The following PRIM2 variants were observed in gnomAD, a reference collection of about 807,000 sequenced individuals.
PRIM2 encodes the protein DNA primase subunit 2.
PRIM2 carries 39 observed loss-of-function variants against 67.3 expected under a neutral mutation model. That is an observed-to-expected ratio of 0.58 (90% CI 0.45 to 0.76). The LOEUF (loss-of-function observed/expected upper bound fraction) is 0.76, where lower values mean the gene tolerates loss of function less well. PRIM2 is among the 30% of genes least tolerant of loss of function. PRIM2 has a pLI of 0.00. For missense variants in PRIM2, 398 were observed against 598.7 expected (o/e 0.66, Z 3.50); for synonymous variants, 143 against 198.7 (o/e 0.72, Z 2.36).
chr6:57,352,141 C>T (rs1272366962), intron 5 of PRIM2, among the ~76,000 whole-genome samples: 2 of 152,100 alleles, frequency 1.3e-5, no homozygotes, highest in Non-Finnish European at 2.9e-5. Flanking sequence ...CAAGTTAAAA[C>T]TGTTTGGTTT....
At chr6:57,402,183 C>T (rs1309545528) in intron 7 of PRIM2, among the ~76,000 whole-genome samples, 2 of 152,224 alleles carry the variant, frequency 1.3e-5, no homozygotes, top group Admixed American at 6.5e-5. Flanking sequence ...TTGGATTTTC[C>T]AGTACCTGGA....
chr6:57,284,597 C>T, the PRIM2 span, among the ~76,000 whole-genome samples: 6 of 152,070 alleles, frequency 3.9e-5, no homozygotes, highest in Non-Finnish European at 8.8e-5. Flanking sequence ...CATATGTAAA[C>T]CAATTTTAAC....
At chr6:57,589,327 C>G (rs1264215862) in intron 10 of PRIM2, among the ~76,000 whole-genome samples, 2 of 152,064 alleles carry the variant, frequency 1.3e-5, no homozygotes, top group Admixed American at 6.5e-5. Context: ...CCTCACTTGG[C>G]AACAGGTACT....
the PRIM2 span, among the ~76,000 whole-genome samples, chr6:57,248,800 G>A: frequency 2.0e-5 from 3 of 152,224 alleles, no homozygotes; most frequent in Non-Finnish European, 4.4e-5. Context: ...CAGCATGAAT[G>A]AGCCTTAGGC....
chr6:57,324,737 A>T (rs894605365), intron 4 of PRIM2, among the ~76,000 whole-genome samples: 1 of 152,210 alleles, frequency 6.6e-6, no homozygotes, highest in African/African-American at 2.4e-5. Context: ...AGTGCCACCC[A>T]GAGGTAGTAA....
chr6:57,501,191 G>C (rs1554346824), intron 7 of PRIM2, among the ~76,000 whole-genome samples: 1 of 152,132 alleles, frequency 6.6e-6, no homozygotes, highest in Non-Finnish European at 1.5e-5. Context: ...TAAGAGGGAA[G>C]TCTAAAAAGA....
chr6:57,632,896 G>C (rs1447906732), intron 13 of PRIM2, among the ~76,000 whole-genome samples: 8 of 152,206 alleles, frequency 5.3e-5, no homozygotes, highest in African/African-American at 1.9e-4. Context: ...TCAGGGAAAT[G>C]TGTTTGGTTT....
intron 10 of PRIM2, among the ~76,000 whole-genome samples, chr6:57,556,429 G>A (rs1775515060): frequency 6.6e-6 from 1 of 152,056 alleles, no homozygotes; most frequent in Non-Finnish European, 1.5e-5. Context: ...CATGGTACTG[G>A]TACAAAAACA....
chr6:57,313,939 T>G (rs990872239), upstream of PRIM2, among the ~76,000 whole-genome samples: 1 of 152,240 alleles, frequency 6.6e-6, no homozygotes, highest in East Asian at 1.9e-4. Context: ...AGGAGTTATC[T>G]CAGGGTGAAT....
intron 5 of PRIM2, among the ~76,000 whole-genome samples, chr6:57,373,145 A>G (rs1769622419): frequency 6.6e-6 from 1 of 152,056 alleles, no homozygotes; most frequent in Admixed American, 6.6e-5. Flanking sequence ...ACTTTTTAGT[A>G]GTAGCCATTC....
At chr6:57,294,362 T>C in the PRIM2 span, among the ~76,000 whole-genome samples, 1 of 151,900 alleles carries the variant, frequency 6.6e-6, no homozygotes, top group Non-Finnish European at 1.5e-5. Flanking sequence ...ACACCTGTAA[T>C]CCCAGCTACT....
chr6:57,273,008 A>C, the PRIM2 span, among the ~76,000 whole-genome samples: 2 of 152,186 alleles, frequency 1.3e-5, no homozygotes, highest in African/African-American at 4.8e-5. Context: ...TGTTTGTCTG[A>C]TGGGCTTCCC....
chr6:57,559,054 C>G (rs1490447428), intron 10 of PRIM2, among the ~76,000 whole-genome samples: 1 of 151,084 alleles, frequency 6.6e-6, no homozygotes, highest in Non-Finnish European at 1.5e-5. Context: ...GGATTGAGCC[C>G]AGGAGTTCAA....
intron 7 of PRIM2, among the ~76,000 whole-genome samples, chr6:57,441,987 A>G (rs114483910): frequency 6.7e-4 from 102 of 152,300 alleles, no homozygotes; most frequent in African/African-American, 2.4e-3. Flanking sequence ...TAAGCAGGAA[A>G]AGAAAAAAAA....
intron 5 of PRIM2, among the ~76,000 whole-genome samples, chr6:57,338,961 G>C (rs1290628319): frequency 6.6e-6 from 1 of 152,194 alleles, no homozygotes; most frequent in South Asian, 2.1e-4. Context: ...AAACAACATT[G>C]TCTCAGCCCA....
At chr6:57,482,675 A>G (rs1490325519) in intron 7 of PRIM2, among the ~76,000 whole-genome samples, 1 of 152,240 alleles carries the variant, frequency 6.6e-6, no homozygotes, top group Non-Finnish European at 1.5e-5. Context: ...GTGTGAGGGC[A>G]AATTATCTCA....
intron 13 of PRIM2, among the ~76,000 whole-genome samples, chr6:57,643,544 A>G (rs1303428554): frequency 6.6e-6 from 1 of 152,216 alleles, no homozygotes; most frequent in Admixed American, 6.5e-5. Flanking sequence ...CTGTTTACAA[A>G]CTATTTTACA....
At chr6:57,411,393 C>G (rs1179831965) in intron 7 of PRIM2, among the ~76,000 whole-genome samples, 3 of 151,882 alleles carry the variant, frequency 2.0e-5, no homozygotes, top group Non-Finnish European at 2.9e-5. Flanking sequence ...GAGTTTGAGA[C>G]TAGTCTGGGC....
intron 8 of PRIM2, among the ~76,000 whole-genome samples, chr6:57,527,102 G>GT (rs1229597299): frequency 2.0e-5 from 3 of 152,104 alleles, no homozygotes; most frequent in Admixed American, 6.5e-5. Flanking sequence ...GCTTTTAAGG[G>GT]TTTTTTTATT....
Sources: gnomAD v4.1 joint callset for allele counts (sites outside exome capture counted in the v4.1 genomes callset) on GRCh38, gnomAD v4.1.1 for gene constraint, MANE v1.5 for transcripts, NCBI Gene and HGNC (gene_info 2026-07-23, HGNC 2026-07-21) for gene names.